Variants in PARD3 observed in about 807,000 individuals in gnomAD.
PARD3 encodes partitioning defective 3 homolog.
Under a neutral mutation model 155.4 loss-of-function variants are expected in PARD3, and 75 were observed. The ratio of observed to expected loss-of-function variants is 0.48; its 90% CI spans 0.40 to 0.58. PARD3 has a LOEUF of 0.58. Ranked by LOEUF, PARD3 falls within the 20% of genes least tolerant of loss-of-function variation. PARD3 has a pLI of 0.00. For synonymous variants in PARD3, 576 were observed against 610.5 expected, an observed-to-expected ratio of 0.94 and a Z score of 0.83; for missense variants, 1,642 against 1,721.7, an observed-to-expected ratio of 0.95 and a Z score of 0.82.
At chr10:34,401,938 G>A (rs927869686) in intron 5 of PARD3, 21 bp from the exon 6 acceptor site, 2 of 1,569,174 alleles carry the variant, frequency 1.3e-6, no homozygotes, top group African/African-American at 2.7e-5. Flanking sequence ...CCAACACAAA[G>A]AAAAGTACAC....
chr10:34,802,625 G>A (rs1247818423), intron 1 of PARD3, among the ~76,000 whole-genome samples: 1 of 152,140 alleles, frequency 6.6e-6, no homozygotes, highest in Non-Finnish European at 1.5e-5. Context: ...GACATGTTTG[G>A]AGCATCCAAA....
chr10:34,533,183 T>C (rs750376876), intron 2 of PARD3, among the ~76,000 whole-genome samples: 6 of 152,174 alleles, frequency 3.9e-5, no homozygotes, highest in Admixed American at 1.3e-4. Context: ...TAAATGACCA[T>C]ATAAATGTAC....
intron 1 of PARD3, among the ~76,000 whole-genome samples, chr10:34,787,835 C>CA (rs1841168557): frequency 6.7e-6 from 1 of 150,198 alleles, no homozygotes. Context: ...CTCTGGTGTA[C>CA]AGTGGCGCAA....
intron 3 of PARD3, among the ~76,000 whole-genome samples, chr10:34,474,804 G>A (rs1330932223): frequency 6.6e-6 from 1 of 152,162 alleles, no homozygotes; most frequent in African/African-American, 2.4e-5. Flanking sequence ...TTTTAAAAGA[G>A]AAGAATTTTG....
intron 4 of PARD3, among the ~76,000 whole-genome samples, chr10:34,465,636 C>T (rs1256315440): frequency 1.3e-5 from 2 of 152,188 alleles, no homozygotes. Context: ...TTACTTTCTT[C>T]CCCTTTCCCT....
chr10:34,387,543 T>C (rs1842473082), intron 7 of PARD3, among the ~76,000 whole-genome samples: 1 of 152,038 alleles, frequency 6.6e-6, no homozygotes, highest in African/African-American at 2.4e-5. Context: ...GCCTCCTGAG[T>C]AGCTGGGATT....
chr10:34,335,606 G>A (rs1200722301), intron 18 of PARD3, among the ~76,000 whole-genome samples: 4 of 151,918 alleles, frequency 2.6e-5, no homozygotes, highest in African/African-American at 4.8e-5. Flanking sequence ...TAGAAGTAAC[G>A]AATTTAGAAC....
intron 2 of PARD3, among the ~76,000 whole-genome samples, chr10:34,533,406 C>A (rs1337836026): frequency 5.3e-5 from 8 of 152,076 alleles, no homozygotes. Context: ...CAAACCTGCA[C>A]ATATATCTCC....
chr10:34,684,836 T>TAA (rs1554810203), intron 2 of PARD3, among the ~76,000 whole-genome samples: 1 of 135,608 alleles, frequency 7.4e-6, no homozygotes, highest in Non-Finnish European at 1.6e-5. Context: ...CACACATATA[T>TAA]ACACACACAC....
intron 1 of PARD3, among the ~76,000 whole-genome samples, chr10:34,800,142 A>T (rs77627333): frequency 1.7e-5 from 1 of 57,532 alleles, no homozygotes; most frequent in African/African-American, 2.4e-4. Context: ...GCAACTTCCC[A>T]AAAAAAAAAA....
At chr10:34,167,492 G>T (rs1293739628) in intron 22 of PARD3, among the ~76,000 whole-genome samples, 1 of 150,900 alleles carries the variant, frequency 6.6e-6, no homozygotes, top group Non-Finnish European at 1.5e-5. Flanking sequence ...CTTCTCTGAA[G>T]AAATATGAAA....
chr10:34,462,806 T>C (rs921690573), intron 4 of PARD3, among the ~76,000 whole-genome samples: 2 of 149,224 alleles, frequency 1.3e-5, no homozygotes, highest in Non-Finnish European at 3.0e-5. Flanking sequence ...AACTCCAGCC[T>C]GGGCAATAAA....
chr10:34,362,360 A>C (rs1025259662), intron 12 of PARD3, among the ~76,000 whole-genome samples: 1 of 152,170 alleles, frequency 6.6e-6, no homozygotes, highest in African/African-American at 2.4e-5. Flanking sequence ...AAATAAAACC[A>C]ATGTATTGTG....
At position 34,679,347 on chromosome 10, in the gene PARD3, G is replaced by C. The variant is rs112075723; in HGVS notation, c.222+16971C>G. Among the ~76,000 whole-genome samples the C allele has an allele frequency of 3.1e-3, 468 of 152,182 alleles. 3 individuals are homozygous for C. Among genetic ancestry groups the C allele is most frequent in the African/African-American group, 0.01 (431 of 41,500 alleles). ...GAGGTAGTTTGTCAAGAGTAAAACA[G>C]GGTGTAGCAAAACACCCTGGAGTCA... is the stretch of plus-strand genomic sequence containing the variant. On this transcript the variant is annotated intron_variant, in intron 2 of 24. Transcript: ENST00000374788.
intron 1 of PARD3, among the ~76,000 whole-genome samples, chr10:34,728,296 A>C (rs895491867): frequency 3.3e-5 from 5 of 152,352 alleles, no homozygotes; most frequent in East Asian, 1.9e-4. Flanking sequence ...TTCTTCAGGA[A>C]GCCTGTACAT....
intron 21 of PARD3, among the ~76,000 whole-genome samples, chr10:34,272,740 T>A (rs189820589): frequency 6.0e-5 from 9 of 150,622 alleles, no homozygotes; most frequent in Non-Finnish European, 1.0e-4. Flanking sequence ...AAACAAACAA[T>A]CAAACAAACA....
In PARD3 at chr10:34,317,096, T is replaced by C; in HGVS notation, c.3065+11A>G. On this transcript the variant is annotated intron_variant, in intron 20 of 24. Coordinates refer to ENST00000374788, the MANE Select transcript of PARD3 (RefSeq NM_001184785.2). ...TTAAGGAGATTCTGGTTTGGGATGG[T>C]AACGACTTACCTGAACATGTCTCCC... The C allele has an allele frequency of 6.5e-7, 1 of 1,541,572 alleles. No individual in the cohort carries two copies. The highest frequency in any genetic ancestry group is 8.7e-7 in the Non-Finnish European group (1 of 1,143,656).
At chr10:34,578,921 T>C (rs918987047) in intron 2 of PARD3, among the ~76,000 whole-genome samples, 4 of 152,216 alleles carry the variant, frequency 2.6e-5, no homozygotes, top group African/African-American at 4.8e-5. Flanking sequence ...TTGAGGAAGA[T>C]GGAGGGGAGC....
intron 15 of PARD3, chr10:34,345,170 A>G: frequency 1.0e-6 from 1 of 985,316 alleles, no homozygotes; most frequent in Non-Finnish European, 1.2e-6. Context: ...AACAAAAAAC[A>G]TCATGGGATA....
Sources: gnomAD v4.1 joint callset for allele counts (sites outside exome capture counted in the v4.1 genomes callset) on GRCh38, gnomAD v4.1.1 for gene constraint, MANE v1.5 for transcripts, NCBI Gene and HGNC (gene_info 2026-07-23, HGNC 2026-07-21) for gene names.